ACKR2: variants seen among roughly 807,000 people sequenced by gnomAD.
ACKR2 encodes atypical chemokine receptor 2, also known as C-C chemokine receptor D6.
For missense variants in ACKR2, 457 were observed against 477.3 expected, an observed-to-expected ratio of 0.96 and a Z score of 0.40; for synonymous variants, 207 against 192.2, an observed-to-expected ratio of 1.08 and a Z score of -0.64.
At chr3:42,836,406 G>T (rs1314937315) in intron 2 of ACKR2, among the ~76,000 whole-genome samples, 2 of 152,140 alleles carry the variant, frequency 1.3e-5, no homozygotes, top group Non-Finnish European at 2.9e-5. Context: ...TTTCTTACTT[G>T]TCTGTTGCTT....
chr3:42,849,175 G>C (rs1701127023), intron 2 of ACKR2, among the ~76,000 whole-genome samples: 1 of 152,162 alleles, frequency 6.6e-6, no homozygotes, highest in African/African-American at 2.4e-5. Flanking sequence ...TAGATTCTTA[G>C]TCAGTACTGT....
chr3:42,840,983 C>T (rs1378278471), intron 2 of ACKR2, among the ~76,000 whole-genome samples: 1 of 152,226 alleles, frequency 6.6e-6, no homozygotes, highest in African/African-American at 2.4e-5. Flanking sequence ...AGTCAAGGAG[C>T]CTGGCCAAGT....
rs2088416770 is a variant in ACKR2, at chr3:42,864,823, C to T, written c.321C>T (p.Ala107=). ...VTLPFWGISV[A]WHWVFGSFLC... is the part of the protein sequence containing the mutation. ...TGCCCTTCTGGGGCATCTCCGTGGC[C>T]TGGCATTGGGTCTTCGGGAGTTTCT... Residue 107 remains alanine, a synonymous_variant, in exon 3 of 3, where the codon GCC becomes GCT. Coordinates refer to ENST00000422265, the MANE Select transcript of ACKR2 (RefSeq NM_001296.5). The T allele has an allele frequency of 6.2e-7, 1 of 1,614,192 alleles. No homozygotes were observed. Among genetic ancestry groups the T allele is most frequent in the African/African-American group, 1.3e-5 (1 of 75,034 alleles).
At chr3:42,834,589 C>T (rs1700967795) in intron 2 of ACKR2, 2 of 151,638 alleles carry the variant, frequency 1.3e-5, no homozygotes, top group African/African-American at 2.4e-5. Context: ...TATTTATTTA[C>T]TTATTTTGAG....
intron 2 of ACKR2, chr3:42,851,405 C>G (rs1701158124): frequency 4.1e-6 from 4 of 985,482 alleles, no homozygotes; most frequent in South Asian, 4.7e-5. Context: ...CGCTGCCGCT[C>G]TCCTCCCAGG....
intron 2 of ACKR2, among the ~76,000 whole-genome samples, chr3:42,838,684 G>T (rs983983785): frequency 6.6e-6 from 1 of 152,164 alleles, no homozygotes; most frequent in African/African-American, 2.4e-5. Context: ...ATTCAACATA[G>T]TCACTCTATT....
At chr3:42,838,663 A>G (rs558646798) in intron 2 of ACKR2, among the ~76,000 whole-genome samples, 3 of 152,378 alleles carry the variant, frequency 2.0e-5, no homozygotes, top group East Asian at 1.9e-4. Context: ...ACAGTTAAGT[A>G]TACGCTTACC....
At chr3:42,817,707 A>G (rs1397809920) in intron 1 of ACKR2, among the ~76,000 whole-genome samples, 2 of 151,980 alleles carry the variant, frequency 1.3e-5, no homozygotes, top group Non-Finnish European at 2.9e-5. Context: ...ATCATCCCAC[A>G]TCTTCCCCCC....
At chr3:42,825,604 T>C (rs76320585) in intron 2 of ACKR2, among the ~76,000 whole-genome samples, 5,184 of 128,476 alleles carry the variant, frequency 0.04, 136 homozygotes, top group African/African-American at 0.08. Flanking sequence ...TGTGTGTGCG[T>C]GTGTGTGTGT....
At chr3:42,823,423 G>A (rs926312336) in intron 2 of ACKR2, among the ~76,000 whole-genome samples, 5 of 152,144 alleles carry the variant, frequency 3.3e-5, no homozygotes, top group African/African-American at 1.2e-4. Context: ...ATCAGGGTGT[G>A]ACCTTCATTC....
chr3:42,831,444 C>A (rs1700931899), intron 2 of ACKR2, among the ~76,000 whole-genome samples: 1 of 152,172 alleles, frequency 6.6e-6, no homozygotes, highest in Admixed American at 6.5e-5. Flanking sequence ...CAGCAGGGGG[C>A]GCTGGAGGGC....
intron 2 of ACKR2, among the ~76,000 whole-genome samples, chr3:42,860,879 T>G (rs2088378149): frequency 6.6e-6 from 1 of 152,144 alleles, no homozygotes. Flanking sequence ...ACAGGGAAAT[T>G]TATAGCACTA....
In ACKR2 at chr3:42,865,011, C is replaced by T. The variant is rs779514478; in HGVS notation, c.509C>T (p.Ala170Val). ...CTGCTCCTTGCTACCATAGTATGGG[C>T]TGTGTCCCTGGCCGTCTCCATCCCT... ...KSLLLATIVWAVSLAVSIPDM... is the reference protein window; with the variant it reads ...KSLLLATIVWVVSLAVSIPDM... The change falls in exon 3 of 3, where the codon GCT becomes GTT. Residue 170 changes from alanine to valine, a missense_variant. Ala to Val is a moderately conservative substitution (Grantham distance 64). Transcript: ENST00000422265. 6.2e-7 allele frequency: 1 copy of T among 1,614,142 alleles called. No individual in the cohort carries two copies. Among genetic ancestry groups the T allele is most frequent in the East Asian group, 2.2e-5 (1 of 44,880 alleles).
chr3:42,821,641 A>G (rs1700810217), intron 2 of ACKR2, among the ~76,000 whole-genome samples: 1 of 151,918 alleles, frequency 6.6e-6, no homozygotes, highest in Non-Finnish European at 1.5e-5. Flanking sequence ...TTGCCTCTCT[A>G]TCTTTTCTTT....
At chr3:42,838,578 ACT>A (rs1269234409) in intron 2 of ACKR2, among the ~76,000 whole-genome samples, 1 of 152,214 alleles carries the variant, frequency 6.6e-6, no homozygotes, top group Non-Finnish European at 1.5e-5. Context: ...AACAATTGTA[ACT>A]CTCATATTTT....
intron 2 of ACKR2, among the ~76,000 whole-genome samples, chr3:42,863,184 G>A (rs1320349494): frequency 1.3e-5 from 2 of 152,140 alleles, no homozygotes; most frequent in Non-Finnish European, 2.9e-5. Context: ...CCATCAAAAA[G>A]TGGGTGAAGG....
intron 2 of ACKR2, among the ~76,000 whole-genome samples, chr3:42,862,138 CTTAAGCTGATAAGCAA>C (rs1425407752): frequency 6.6e-6 from 1 of 152,192 alleles, no homozygotes; most frequent in African/African-American, 2.4e-5. Context: ...CCAAAATCTC[CTTAAGCTGATAAGCAA>C]CTTCAGCAAA....
intron 2 of ACKR2, among the ~76,000 whole-genome samples, chr3:42,825,866 T>TTTG (rs922983895): frequency 4.9e-4 from 17 of 34,670 alleles, no homozygotes; most frequent in Non-Finnish European, 1.2e-3. Flanking sequence ...TTTTTTTTTG[T>TTTG]TTTTTTTTTT....
intron 2 of ACKR2, among the ~76,000 whole-genome samples, chr3:42,821,810 C>A (rs1308603355): frequency 6.6e-6 from 1 of 152,026 alleles, no homozygotes; most frequent in East Asian, 1.9e-4. Flanking sequence ...CATTCTCCTG[C>A]CTCAGCCTCC....
Sources: gnomAD v4.1 joint callset for allele counts (sites outside exome capture counted in the v4.1 genomes callset) on GRCh38, gnomAD v4.1.1 for gene constraint, MANE v1.5 for transcripts, NCBI Gene and HGNC (gene_info 2026-07-23, HGNC 2026-07-21) for gene names.